ZZEF1: variants seen among roughly 807,000 people sequenced by gnomAD.
The protein encoded by ZZEF1 is zinc finger ZZ-type and EF-hand domain-containing protein 1.
A neutral mutation model predicts 342.8 loss-of-function variants in ZZEF1; 157 were observed. The observed-to-expected ratio is 0.46, with a 90% CI of 0.40 to 0.52. ZZEF1 has a LOEUF of 0.52. Among genes scored for constraint, ZZEF1 ranks in the 20% least tolerant of loss-of-function variants. ZZEF1 has a pLI of 0.00. For synonymous variants in ZZEF1, 1,505 were observed against 1,429.1 expected (o/e 1.05, Z -1.20); for missense variants, 3,480 against 3,725.6 (o/e 0.93, Z 1.72).
At chr17:4,080,087 G>C (rs928333576) in intron 18 of ZZEF1, among the ~76,000 whole-genome samples, 5 of 152,094 alleles carry the variant, frequency 3.3e-5, no homozygotes, top group African/African-American at 1.2e-4. Context: ...GAAAAATGCA[G>C]GTTCTTAAGC....
Position 4,024,901 on chromosome 17 carries a change from G to A in ZZEF1, c.7092+18C>T, listed in dbSNP as rs2056368136. 1.9e-6 allele frequency: 3 copies of A among 1,613,224 alleles called. No homozygotes were observed. Among genetic ancestry groups the A allele is most frequent in the Non-Finnish European group, 2.5e-6 (3 of 1,179,160 alleles). ...ATTATAGCCAGATCCACTGCCAACT[G>A]GAGAAGCTCCCCATTACCTTTAGTG... On this transcript the variant is annotated intron_variant, in intron 43 of 54. Coordinates refer to ENST00000381638, the MANE Select transcript of ZZEF1 (RefSeq NM_015113.4).
rs573594679 is a variant in ZZEF1 at position 4,087,030 on chromosome 17, C to T, written c.2343-375G>A. ...CCAAGTAGCTGAGATTACAGGTGCC[C>T]ACCACCACACCCAGCTAATTTTTGT... On this transcript the variant is annotated intron_variant, in intron 14 of 54. Transcript: ENST00000381638. Among the ~76,000 whole-genome samples the T allele has an allele frequency of 3.9e-5, 6 of 152,204 alleles. No homozygotes were observed. In the East Asian group the frequency reaches 1.2e-3, roughly 29 times the overall value.
At chr17:4,100,982 G>C (rs1238074269) in intron 9 of ZZEF1, among the ~76,000 whole-genome samples, 1 of 152,210 alleles carries the variant, frequency 6.6e-6, no homozygotes, top group African/African-American at 2.4e-5. Context: ...AAGGGAAAGG[G>C]ACAAGGAGCT....
At chr17:4,087,637 T>C in intron 13 of ZZEF1, 103 bp from the exon 14 acceptor site, 1 of 988,206 alleles carries the variant, frequency 1.0e-6, no homozygotes, top group African/African-American at 1.6e-5. Context: ...GAGGTGGCTC[T>C]ACATGAGTGA....
intron 21 of ZZEF1, 194 bp downstream of exon 21, chr17:4,076,443 C>G: frequency 3.2e-6 from 2 of 625,084 alleles, no homozygotes; most frequent in Non-Finnish European, 5.0e-6. Context: ...TCTGCGTCTC[C>G]TTTCTAATGC....
At chr17:4,103,642 G>T (rs1014913661) in intron 8 of ZZEF1, among the ~76,000 whole-genome samples, 1 of 152,204 alleles carries the variant, frequency 6.6e-6, no homozygotes, top group African/African-American at 2.4e-5. Flanking sequence ...CAGAAGCCAG[G>T]TGTGGTGGCT....
At chr17:4,068,991 TAAGAC>T (rs1025628152) in intron 26 of ZZEF1, among the ~76,000 whole-genome samples, 1 of 152,248 alleles carries the variant, frequency 6.6e-6, no homozygotes, top group African/African-American at 2.4e-5. Flanking sequence ...CAGAAAGAAC[TAAGAC>T]AAGCCTGGCC....
At position 4,103,345 on chromosome 17, in the gene ZZEF1, C is replaced by T. The variant is rs548101786; in HGVS notation, c.1574-930G>A. On this transcript the variant is annotated intron_variant, in intron 8 of 54. Transcript: ENST00000381638. ...ACTGCTTGAGTCCAGGAGTTTGAGA[C>T]CAGCCTGGTCAACATGGGGAGAGCT... Among the ~76,000 whole-genome samples the T allele has an allele frequency of 2.6e-5, 4 of 151,790 alleles. No individual in the cohort carries two copies. The East Asian group carries it at 5.8e-4, about 22-fold the overall frequency.
chr17:4,042,478 T>C lies in ZZEF1; in HGVS notation c.6257A>G (p.Gln2086Arg), dbSNP rs146238331. Residue 2086 changes from glutamine to arginine, a missense_variant, in exon 39 of 55, where the codon CAG (glutamine) becomes CGG (arginine). Around this residue, in one of 5 missense-constraint regions of ZZEF1, gnomAD observed 1,269 missense variants for 1,342.4 expected, o/e 0.95. Transcript: ENST00000381638. Reference sequence around the variant, plus strand: ...TGCTAGTAATCCCAAAATCCTCTTCTGGGAACACTCAGCAAACACTTGCTC... The same window carrying C: ...TGCTAGTAATCCCAAAATCCTCTTCCGGGAACACTCAGCAAACACTTGCTC... ...SPEQVFAECS[Q>R]KRILGLLAAM... is the part of the protein sequence containing the mutation. The C allele has an allele frequency of 1.1e-4, 172 of 1,613,836 alleles. No homozygotes were observed. Among genetic ancestry groups the C allele is most frequent in the Non-Finnish European group, 1.3e-4 (159 of 1,179,994 alleles).
intron 24 of ZZEF1, among the ~76,000 whole-genome samples, chr17:4,073,076 T>C (rs572663349): frequency 6.6e-6 from 1 of 152,328 alleles, no homozygotes; most frequent in Admixed American, 6.5e-5. Context: ...TTCAGGAACA[T>C]TTAATTATGG....
intron 39 of ZZEF1, among the ~76,000 whole-genome samples, chr17:4,037,155 AC>A (rs1357418382): frequency 6.6e-6 from 1 of 152,214 alleles, no homozygotes; most frequent in Admixed American, 6.5e-5. Context: ...GATATAACTA[AC>A]TAAATAAATA....
chr17:4,021,624 T>C (rs932101409), intron 44 of ZZEF1, among the ~76,000 whole-genome samples: 3 of 152,230 alleles, frequency 2.0e-5, no homozygotes, highest in African/African-American at 7.2e-5. Context: ...TCATATGCTT[T>C]CACCCAGCAA....
Position 4,087,480 on chromosome 17 carries a change from G to C in ZZEF1, c.2296C>G (p.Leu766Val). The part of the protein sequence containing the change: ...KYKSFLDFAG[L>V]DLQIFWNFYS... ...AAATTCCAGAAGATCTGCAAATCAA[G>C]ACCCGCGAAGTCCAGAAAAGATTTA... Residue 766 changes from leucine (L) to valine (V), a missense_variant, in exon 14 of 55, where the codon CTT becomes GTT. Physicochemically the swap from Leu to Val is conservative, Grantham distance 32 (BLOSUM62 1). Coordinates refer to ENST00000381638, the MANE Select transcript of ZZEF1 (RefSeq NM_015113.4). 4 of 1,610,996 alleles carry C rather than the reference G, an allele frequency of 2.5e-6. No homozygotes were observed. Among genetic ancestry groups the C allele is most frequent in the Non-Finnish European group, 3.4e-6 (4 of 1,179,300 alleles).
chr17:4,104,553 G>A (rs2058178656), intron 8 of ZZEF1, 80 bp downstream of exon 8: 1 of 1,473,124 alleles, frequency 6.8e-7, no homozygotes, highest in Non-Finnish European at 9.3e-7. Flanking sequence ...GAAGATACCA[G>A]GAGGTCATAT....
In ZZEF1 at chr17:4,005,486, AGCTGAGAACCCAATTGTAGG is replaced by A; in HGVS notation, c.*1384_*1403del. ...TGGTTCTACCAGAACTCTGGGGCTT[AGCTGAGAACCCAATTGTAGG>A]GCTGTGAAGCCCGCTGCACCTTGGA... On this transcript the variant is annotated 3_prime_UTR_variant, in exon 55 of 55. Coordinates refer to ENST00000381638, the MANE Select transcript of ZZEF1 (RefSeq NM_015113.4). 6.6e-6 allele frequency: 1 copy of A among 152,418 alleles called. No individual in the cohort carries two copies. Among genetic ancestry groups the A allele is most frequent in the African/African-American group, 2.4e-5 (1 of 41,584 alleles). 9.4% of individuals were successfully genotyped at this position (152,418 alleles called of 1,614,324 possible). A position where few individuals can be genotyped will look rare whatever the true frequency, so the allele number is the denominator to read the frequency against.
intron 24 of ZZEF1, 88 bp from the exon 25 acceptor site, chr17:4,072,844 A>G: frequency 1.5e-6 from 2 of 1,333,420 alleles, no homozygotes; most frequent in Non-Finnish European, 2.0e-6. Flanking sequence ...GTTAAAAAAA[A>G]CCATGGATAC....
intron 39 of ZZEF1, among the ~76,000 whole-genome samples, chr17:4,037,867 G>A (rs2056709562): frequency 6.6e-6 from 1 of 152,090 alleles, no homozygotes; most frequent in South Asian, 2.1e-4. Flanking sequence ...CAGATTCAAG[G>A]CACTGTGCCT....
intron 39 of ZZEF1, among the ~76,000 whole-genome samples, chr17:4,038,963 T>C (rs551738445): frequency 1.3e-5 from 2 of 152,278 alleles, no homozygotes; most frequent in South Asian, 4.1e-4. Flanking sequence ...GAGTTCTTTA[T>C]ATATTCCTTA....
Position 4,049,822 on chromosome 17 carries a change from A to G in ZZEF1, c.5901T>C (p.Asp1967=), listed in dbSNP as rs770683057. The change falls in exon 37 of 55, where the codon GAT becomes GAC. Residue 1967 remains aspartate (D), a synonymous_variant. Transcript: ENST00000381638. The part of the protein sequence containing the change: ...KALALLGVLP[D]GDSSLEDQAL... ...CCTGATCTTCTAGGCTCGAGTCCCCATCTGGCAATACACCCAGCAAAGCTA... is the reference window on the plus strand; with the variant it reads ...CCTGATCTTCTAGGCTCGAGTCCCCGTCTGGCAATACACCCAGCAAAGCTA... The G allele has an allele frequency of 2.5e-6, 4 of 1,614,086 alleles. No individual in the cohort carries two copies. The highest frequency in any genetic ancestry group is 1.7e-5 in the Admixed American group (1 of 60,004).
Sources: gnomAD v4.1 joint callset for allele counts (sites outside exome capture counted in the v4.1 genomes callset) on GRCh38, gnomAD v4.1.1 for gene constraint, gnomAD v4.1.1 regional missense constraint, MANE v1.5 for transcripts, NCBI Gene and HGNC (gene_info 2026-07-23, HGNC 2026-07-21) for gene names.